TANC1: variants seen among roughly 807,000 people sequenced by gnomAD.
TANC1 encodes the protein tetratricopeptide repeat, ankyrin repeat and coiled-coil containing 1.
TANC1 carries 77 observed loss-of-function variants against 149.7 expected under a neutral mutation model. The observed-to-expected ratio is 0.51, with a 90% CI of 0.43 to 0.62. The LOEUF (loss-of-function observed/expected upper bound fraction) is 0.62, where lower values mean the gene tolerates loss of function less well. Among genes scored for constraint, TANC1 ranks in the 20% least tolerant of loss-of-function variants. The probability of loss-of-function intolerance (pLI) is 0.00; values close to 1 mark genes in which losing one functional copy is unlikely to be tolerated. For synonymous variants in TANC1, 854 were observed against 925.0 expected (o/e 0.92, Z 1.39); for missense variants, 1,985 against 2,321.8 (o/e 0.85, Z 2.98).
chr2:159,228,144 T>TAGGA, intron 25 of TANC1, 179 bp downstream of exon 25: 1 of 665,982 alleles, frequency 1.5e-6, no homozygotes, highest in Non-Finnish European at 2.5e-6. Context: ...TGGTCACGGC[T>TAGGA]GCTACGCTCC....
rs79046199 is a variant in TANC1 at position 158,988,153 on chromosome 2, G to A, written c.-125-12927G>A. Among the ~76,000 whole-genome samples the A allele has an allele frequency of 2.8e-3, 429 of 151,578 alleles. 4 individuals are homozygous for A. Among genetic ancestry groups the A allele is most frequent in the African/African-American group, 9.9e-3 (410 of 41,314 alleles). On this transcript the variant is annotated intron_variant, in intron 1 of 26. Coordinates refer to ENST00000263635, the MANE Select transcript of TANC1 (RefSeq NM_033394.3). ...GCCTGGCCAACATGGTGAAACCCCCGTCTCTATTAAAAAGTACAAAAATTA... is the reference window on the plus strand; with the variant it reads ...GCCTGGCCAACATGGTGAAACCCCCATCTCTATTAAAAAGTACAAAAATTA...
At chr2:159,062,100 T>C (rs1372038127) in intron 2 of TANC1, among the ~76,000 whole-genome samples, 1 of 151,934 alleles carries the variant, frequency 6.6e-6, no homozygotes, top group African/African-American at 2.4e-5. Flanking sequence ...TAGCTGGGTG[T>C]GGTGGTGGGT....
At position 159,051,891 on chromosome 2, in the gene TANC1, C is replaced by T. The variant is rs1202639584; in HGVS notation, c.-15-14005C>T. Among the ~76,000 whole-genome samples, 3 of 152,256 alleles carry T rather than the reference C, an allele frequency of 2.0e-5. No homozygotes were observed. The East Asian group carries it at 5.8e-4, about 29-fold the overall frequency. On this transcript the variant is annotated intron_variant, in intron 2 of 26. Transcript: ENST00000263635. ...CTGTTCCTAACCATGAAAACAAAAA[C>T]CATCTCGGTTACCCAGGATCCATGA... is the stretch of plus-strand genomic sequence containing the variant.
chr2:159,161,673 C>G lies in TANC1; in HGVS notation c.683-1610C>G, dbSNP rs572762002. Among the ~76,000 whole-genome samples the G allele has an allele frequency of 2.6e-5, 4 of 152,272 alleles. No individual in the cohort carries two copies. In the East Asian group the frequency reaches 7.7e-4, roughly 29 times the overall value. ...ATAGAAAGAGTCATACTTGCTATGC[C>G]TATGTTCATATAAATGGTCTATTTA... On this transcript the variant is annotated intron_variant, in intron 7 of 26. Transcript: ENST00000263635.
intron 2 of TANC1, among the ~76,000 whole-genome samples, chr2:159,014,369 T>TACC: frequency 6.6e-6 from 1 of 152,300 alleles, no homozygotes; most frequent in Middle Eastern, 3.4e-3. Flanking sequence ...ATGAGAACAG[T>TACC]ATGGGGGAAA....
chr2:159,155,438 G>A (rs1429586792), intron 7 of TANC1, among the ~76,000 whole-genome samples: 1 of 152,118 alleles, frequency 6.6e-6, no homozygotes, highest in African/African-American at 2.4e-5. Context: ...GAGCATTTTT[G>A]TAGTGTCCTG....
chr2:159,011,442 T>C (rs985990442), intron 2 of TANC1, among the ~76,000 whole-genome samples: 1 of 152,032 alleles, frequency 6.6e-6, no homozygotes, highest in African/African-American at 2.4e-5. Context: ...CAATAAATGG[T>C]AGGTCAGTTT....
At chr2:159,133,708 G>A (rs2050347238) in intron 4 of TANC1, among the ~76,000 whole-genome samples, 2 of 152,152 alleles carry the variant, frequency 1.3e-5, no homozygotes, top group Admixed American at 1.3e-4. Context: ...CCCGCACTTA[G>A]ATTGCAATTG....
At chr2:159,080,988 C>T (rs374225378) in intron 3 of TANC1, among the ~76,000 whole-genome samples, 2 of 152,210 alleles carry the variant, frequency 1.3e-5, no homozygotes, top group African/African-American at 2.4e-5. Flanking sequence ...CACTCCACCT[C>T]GGGCTCCCTG....
At position 159,230,297 on chromosome 2, in the gene TANC1, C is replaced by T. The variant is rs762648961; in HGVS notation, c.4871C>T (p.Thr1624Met). The T allele has an allele frequency of 3.0e-5, 48 of 1,614,028 alleles. No homozygotes were observed. The highest frequency in any genetic ancestry group is 3.9e-5 in the Non-Finnish European group (46 of 1,180,048). The change falls in exon 27 of 27, where the codon ACG (threonine) becomes ATG (methionine). Residue 1624 changes from threonine to methionine, a missense_variant. Physicochemically the swap from Thr to Met is moderately conservative, Grantham distance 81. Transcript: ENST00000263635. This position sits in a 1 kb window ranked among gnomAD's most constrained non-coding sequence, Gnocchi z 4.4. The part of the protein sequence containing the change: ...NGPAHPLPSK[T>M]KTTERLLSHS... The stretch of plus-strand genomic sequence containing the variant: ...CCTGCACACCCTTTACCAAGTAAGA[C>T]GAAAACCACAGAGAGGCTTCTGTCT...
At chr2:159,088,867 A>G (rs2045235353) in intron 3 of TANC1, among the ~76,000 whole-genome samples, 1 of 152,140 alleles carries the variant, frequency 6.6e-6, no homozygotes, top group Non-Finnish European at 1.5e-5. Flanking sequence ...TATTCTATTG[A>G]TGGTACCAAG....
At chr2:159,142,224 T>C (rs1169533352) in intron 5 of TANC1, among the ~76,000 whole-genome samples, 1 of 152,252 alleles carries the variant, frequency 6.6e-6, no homozygotes, top group Admixed American at 6.5e-5. Flanking sequence ...GGCTGTGGAC[T>C]TCTAGTCCCC....
chr2:159,045,184 C>T (rs1241153192), intron 2 of TANC1, among the ~76,000 whole-genome samples: 1 of 152,140 alleles, frequency 6.6e-6, no homozygotes, highest in African/African-American at 2.4e-5. Context: ...ATGGGCCGGG[C>T]GCAGTGGCTC....
intron 2 of TANC1, among the ~76,000 whole-genome samples, chr2:159,007,292 T>G (rs917462655): frequency 1.3e-5 from 2 of 152,082 alleles, no homozygotes; most frequent in Non-Finnish European, 2.9e-5. Flanking sequence ...GATTACAGGC[T>G]TGCGCCACCA....
rs748580080 is a variant in TANC1, at chr2:159,230,140, G to A, written c.4714G>A (p.Ala1572Thr). 1 of 1,614,060 alleles carries A rather than the reference G, an allele frequency of 6.2e-7. No homozygotes were observed. The change falls in exon 27 of 27, where the codon GCC becomes ACC. Residue 1572 changes from alanine (A) to threonine (T), a missense_variant. Physicochemically the swap from Ala to Thr is moderately conservative, Grantham distance 58 (BLOSUM62 0). This residue lies in a region of TANC1 where 920 missense variants were observed against 994.7 expected (regional missense o/e 0.92). Transcript: ENST00000263635. This position sits in a 1 kb window ranked among gnomAD's most constrained non-coding sequence, Gnocchi z 4.4. ...AAGTCCCATGCCAGGGAGAATCGCT[G>A]CCACTCCTGCTGGGAGCAGAACCCA... is the stretch of plus-strand genomic sequence containing the variant. ...PPSPMPGRIA[A>T]TPAGSRTQHL...
At chr2:159,062,992 A>AAAAAAAAAAAAAAAAAAAAAG (rs1559188236) in intron 2 of TANC1, among the ~76,000 whole-genome samples, 1 of 147,412 alleles carries the variant, frequency 6.8e-6, no homozygotes, top group African/African-American at 2.5e-5. Flanking sequence ...AAAAAAAAAA[A>AAAAAAAAAAAAAAAAAAAAAG]AAAGAAAGCA....
chr2:158,984,239 C>T (rs900255394), intron 1 of TANC1, among the ~76,000 whole-genome samples: 2 of 152,226 alleles, frequency 1.3e-5, no homozygotes, highest in African/African-American at 4.8e-5. Context: ...ACTGTCCCAA[C>T]TCTACATACC....
intron 7 of TANC1, among the ~76,000 whole-genome samples, chr2:159,158,648 A>C (rs1471896040): frequency 6.6e-6 from 1 of 152,246 alleles, no homozygotes; most frequent in Non-Finnish European, 1.5e-5. Flanking sequence ...TGAGTTGGGG[A>C]AAGTATGAAA....
intron 4 of TANC1, among the ~76,000 whole-genome samples, chr2:159,122,110 G>A (rs2048908811): frequency 6.6e-6 from 1 of 152,092 alleles, no homozygotes; most frequent in African/African-American, 2.4e-5. Flanking sequence ...CCTAATTTTT[G>A]TATTTTCTGT....
Sources: gnomAD v4.1 joint callset for allele counts (sites outside exome capture counted in the v4.1 genomes callset) on GRCh38, gnomAD v4.1.1 for gene constraint, gnomAD v4.1.1 regional missense constraint, Gnocchi (gnomAD v3.1) non-coding constraint, MANE v1.5 for transcripts, NCBI Gene and HGNC (gene_info 2026-07-23, HGNC 2026-07-21) for gene names.